Variants in FAM161A observed in about 807,000 individuals in gnomAD.
FAM161A encodes protein FAM161A.
A neutral mutation model predicts 70.9 loss-of-function variants in FAM161A; 57 were observed. The observed-to-expected ratio is 0.80, with a 90% confidence interval of 0.65 to 1.00. FAM161A has a LOEUF of 1.00. Ranked by LOEUF, FAM161A falls within the 50% of genes least tolerant of loss-of-function variation. FAM161A has a pLI of 0.00. For synonymous variants in FAM161A, 299 were observed against 295.7 expected (o/e 1.01, Z -0.12); for missense variants, 880 against 836.0 (o/e 1.05, Z -0.65).
chr2:61,847,323 T>C (rs924862031), intron 1 of FAM161A, among the ~76,000 whole-genome samples: 6 of 152,148 alleles, frequency 3.9e-5, no homozygotes, highest in Non-Finnish European at 7.4e-5. Flanking sequence ...CTTCCCTGAC[T>C]CTCCTATTTA....
intron 1 of FAM161A, among the ~76,000 whole-genome samples, chr2:61,845,153 C>A (rs1262211264): frequency 6.6e-6 from 1 of 151,970 alleles, no homozygotes; most frequent in Non-Finnish European, 1.5e-5. Flanking sequence ...GTGTGAGCAA[C>A]AAGACATGAG....
chr2:61,832,953 AG>A (rs1373673826), intron 5 of FAM161A, among the ~76,000 whole-genome samples: 3 of 152,130 alleles, frequency 2.0e-5, no homozygotes, highest in African/African-American at 7.2e-5. Context: ...TGTGGGCTCC[AG>A]GGGAGGAAAG....
At chr2:61,812,968 C>T in the FAM161A span, among the ~76,000 whole-genome samples, 3 of 151,786 alleles carry the variant, frequency 2.0e-5, no homozygotes, top group Non-Finnish European at 4.4e-5. Context: ...GAGGCTGAGG[C>T]AGGAGAATGG....
the FAM161A span, among the ~76,000 whole-genome samples, chr2:61,807,281 G>T: frequency 1.3e-5 from 2 of 150,188 alleles, no homozygotes; most frequent in Non-Finnish European, 3.0e-5. Context: ...ATCCCAACTT[G>T]AGCAAATAAA....
intron 1 of FAM161A, among the ~76,000 whole-genome samples, chr2:61,851,425 C>A (rs915674097): frequency 6.6e-6 from 1 of 152,162 alleles, no homozygotes; most frequent in Non-Finnish European, 1.5e-5. Context: ...CAACCTCCGC[C>A]TCCCGGGTTC....
chr2:61,835,877 C>T, intron 5 of FAM161A, 133 bp downstream of exon 5: 2 of 739,288 alleles, frequency 2.7e-6, no homozygotes, highest in African/African-American at 1.8e-5. Flanking sequence ...TATGATGAAG[C>T]CAACACAAAC....
the FAM161A span, among the ~76,000 whole-genome samples, chr2:61,801,666 T>C: frequency 0.03 from 4,623 of 151,658 alleles, 229 homozygotes; most frequent in African/African-American, 0.11. Context: ...GTTCAAGCGA[T>C]TGTCCTGCCT....
chr2:61,819,715 C>A, the FAM161A span, among the ~76,000 whole-genome samples: 2 of 152,106 alleles, frequency 1.3e-5, no homozygotes, highest in African/African-American at 4.8e-5. Flanking sequence ...CAACCACACA[C>A]TCTTGGCATG....
chr2:61,841,720 C>T (rs2105085955), intron 2 of FAM161A, among the ~76,000 whole-genome samples: 1 of 152,282 alleles, frequency 6.6e-6, no homozygotes, highest in Non-Finnish European at 1.5e-5. Context: ...AAATTGCAGA[C>T]TATTTTGAAA....
rs777260238 is a variant in FAM161A, at chr2:61,826,283, C to G, written c.*172G>C. The G allele has an allele frequency of 9.5e-6, 7 of 737,302 alleles. No individual in the cohort carries two copies. The South Asian group carries it at 1.0e-4, about 11-fold the overall frequency. The allele number at this position is 737,302 out of a possible 1,614,324, so 45.7% of individuals were successfully genotyped here. A position where few individuals can be genotyped will look rare whatever the true frequency, so the allele number is the denominator to read the frequency against. On this transcript the variant is annotated 3_prime_UTR_variant, in exon 7 of 7. Transcript: ENST00000404929. ...CTGAATAGGCAAAGCCTTACTCTAA[C>G]TGATCAAATGACCAATCAGCTGGAT...
intron 4 of FAM161A, among the ~76,000 whole-genome samples, chr2:61,837,442 A>T (rs1672814243): frequency 6.6e-6 from 1 of 152,198 alleles, no homozygotes; most frequent in Non-Finnish European, 1.5e-5. Context: ...TTTAAATGAT[A>T]ATTAGGCTTA....
At chr2:61,811,235 T>A in the FAM161A span, among the ~76,000 whole-genome samples, 3 of 152,210 alleles carry the variant, frequency 2.0e-5, no homozygotes, top group East Asian at 3.9e-4. Context: ...TCTTACCCTG[T>A]CACCCAGACA....
intron 1 of FAM161A, among the ~76,000 whole-genome samples, chr2:61,844,164 A>T (rs1401782276): frequency 6.6e-6 from 1 of 152,196 alleles, no homozygotes; most frequent in African/African-American, 2.4e-5. Context: ...GCAGTCTTCA[A>T]TAGAACTTAC....
downstream of FAM161A, among the ~76,000 whole-genome samples, chr2:61,820,846 C>A (rs1672188112): frequency 6.6e-6 from 1 of 152,122 alleles, no homozygotes; most frequent in Admixed American, 6.6e-5. Flanking sequence ...AATATAACTA[C>A]AAAATACCTT....
the FAM161A span, chr2:61,803,439 G>T: frequency 1.5e-6 from 1 of 660,086 alleles, no homozygotes; most frequent in South Asian, 1.6e-5. Flanking sequence ...GTACTGCAAA[G>T]GCCAGTGTTG....
At chr2:61,824,353 C>CT (rs1160029046), downstream of FAM161A, among the ~76,000 whole-genome samples, 3 of 152,028 alleles carry the variant, frequency 2.0e-5, no homozygotes, top group African/African-American at 4.8e-5. Flanking sequence ...CTCTCTCCCT[C>CT]TTTTTTTAAC....
chr2:61,842,293 T>G lies in FAM161A; in HGVS notation c.251A>C (p.Asn84Thr). Residue 84 changes from asparagine (N) to threonine (T), a missense_variant, in exon 2 of 7, where the codon AAC (asparagine) becomes ACC (threonine). Physicochemically the swap from Asn to Thr is moderately conservative, Grantham distance 65. Transcript: ENST00000404929. ...ATTAGAGTGGTGAATATCAGGAAAG[T>G]TCACAAAGTCCTCATAGCTTATCGG... Reference protein sequence around the residue: ...HAPISYEDFVNFPDIHHSNEE... With the variant: ...HAPISYEDFVTFPDIHHSNEE... The G allele has an allele frequency of 6.2e-7, 1 of 1,610,466 alleles. No homozygotes were observed. Among genetic ancestry groups the G allele is most frequent in the Non-Finnish European group, 8.5e-7 (1 of 1,177,870 alleles).
chr2:61,840,131 G>T lies in FAM161A; in HGVS notation c.873C>A (p.Val291=). The T allele has an allele frequency of 6.2e-7, 1 of 1,614,154 alleles. No homozygotes were observed. The highest frequency in any genetic ancestry group is 8.5e-7 in the Non-Finnish European group (1 of 1,180,044). The change falls in exon 3 of 7, where the codon GTC becomes GTA. Residue 291 remains valine, a synonymous_variant. Transcript: ENST00000404929. ...KFRANPVPAS[V]FLPLYHDLVK... Reference sequence around the variant, plus strand: ...CTAAATCATGGTAAAGGGGGAGAAAGACAGATGCAGGAACTGGATTGGCTC... The same window carrying T: ...CTAAATCATGGTAAAGGGGGAGAAATACAGATGCAGGAACTGGATTGGCTC...
the FAM161A span, among the ~76,000 whole-genome samples, chr2:61,816,119 G>T: frequency 6.6e-6 from 1 of 152,044 alleles, no homozygotes; most frequent in Non-Finnish European, 1.5e-5. Flanking sequence ...TTGGATCTTT[G>T]GGTGGCAGTG....
Sources: allele counts gnomAD v4.1 joint callset (sites outside exome capture counted in the v4.1 genomes callset), GRCh38; gene constraint gnomAD v4.1.1; transcripts MANE v1.5; gene names NCBI Gene and HGNC (gene_info 2026-07-23, HGNC 2026-07-21).